The following DNAJC14 variants were observed in gnomAD, a reference collection of about 807,000 sequenced individuals.
DNAJC14 encodes DnaJ heat shock protein family (Hsp40) member C14.
Under a neutral mutation model 68.8 loss-of-function variants are expected in DNAJC14, and 12 were observed. The ratio of observed to expected loss-of-function variants is 0.17; its 90% confidence interval spans 0.11 to 0.28. The LOEUF (loss-of-function observed/expected upper bound fraction) is 0.28, where lower values mean the gene tolerates loss of function less well. Ranked by LOEUF, DNAJC14 falls within the 10% of genes least tolerant of loss-of-function variation. DNAJC14 has a pLI of 1.00. For synonymous variants in DNAJC14, 350 were observed against 321.5 expected, an observed-to-expected ratio of 1.09 and a Z score of -0.95; for missense variants, 764 against 875.6, an observed-to-expected ratio of 0.87 and a Z score of 1.61.
At position 55,821,884 on chromosome 12, in the gene DNAJC14, C is replaced by T. The variant is rs1007352131; in HGVS notation, c.*93G>A. 5 of 1,306,354 alleles carry T rather than the reference C, an allele frequency of 3.8e-6. No individual in the cohort carries two copies. The African/African-American group carries it at 6.0e-5, about 16-fold the overall frequency. The allele number at this position is 1,306,354 out of a possible 1,614,324, so 80.9% of individuals were successfully genotyped here. ...AAATAAAAAGAAAAAGATTCAGTTC[C>T]TAGGTGTTGGGGGAGGAGGGATAAA... On this transcript the variant is annotated 3_prime_UTR_variant, in exon 7 of 7. Coordinates refer to ENST00000678005, the MANE Select transcript of DNAJC14 (RefSeq NM_032364.6).
chr12:55,828,292 G>C lies in DNAJC14; in HGVS notation c.367C>G (p.Leu123Val). 1 of 1,610,442 alleles carries C rather than the reference G, an allele frequency of 6.2e-7. No individual in the cohort carries two copies. The highest frequency in any genetic ancestry group is 1.3e-5 in the African/African-American group (1 of 74,650). ...TGNQKDGNSF[L>V]SIPSACNCQG... is the part of the protein sequence containing the mutation. ...CAGTTGCAAGCAGATGGAATGGAAA[G>C]AAAAGAGTTCCCATCCTTCTGGTTC... The change falls in exon 2 of 7, where the codon CTT becomes GTT. Residue 123 changes from leucine (L) to valine (V), a missense_variant. Physicochemically the swap from Leu to Val is conservative, Grantham distance 32 (BLOSUM62 1). Coordinates refer to ENST00000678005, the MANE Select transcript of DNAJC14 (RefSeq NM_032364.6).
At chr12:55,829,364 G>C in intron 1 of DNAJC14, 125 bp downstream of exon 1, 1 of 973,650 alleles carries the variant, frequency 1.0e-6, no homozygotes, top group East Asian at 1.1e-4. Flanking sequence ...AGAATCGCTT[G>C]AACCCGGGAG....
chr12:55,827,061 C>T (rs1421994652), intron 2 of DNAJC14, among the ~76,000 whole-genome samples, 191 bp downstream of exon 2: 2 of 149,720 alleles, frequency 1.3e-5, no homozygotes, highest in Non-Finnish European at 3.0e-5. Flanking sequence ...CATGGTGGCG[C>T]GCACCTGTAA....
chr12:55,829,706 A>G (rs540795845), upstream of DNAJC14: 49 of 721,912 alleles, frequency 6.8e-5, 1 homozygote, highest in South Asian at 2.8e-3. Context: ...AAGCCAATCC[A>G]GCTAGGGCTG....
upstream of DNAJC14, chr12:55,830,281 A>T (rs1880944695): frequency 6.6e-6 from 1 of 152,178 alleles, no homozygotes; most frequent in African/African-American, 2.4e-5. Context: ...CGTGAGCCAA[A>T]GAACACTGAA....
rs1208830579 is a variant in DNAJC14, at chr12:55,828,106, G to A, written c.553C>T (p.Arg185Cys). 1.9e-6 allele frequency: 3 copies of A among 1,600,500 alleles called. No homozygotes were observed. The highest frequency in any genetic ancestry group is 2.2e-5 in the East Asian group (1 of 44,766). Reference sequence around the variant, plus strand: ...GGGGGTTTCTTTCCGCTGGACACACGTGAAAAATCACTGGGGAACTTGAGA... The same window carrying A: ...GGGGGTTTCTTTCCGCTGGACACACATGAAAAATCACTGGGGAACTTGAGA... ...ESLKFPSDFS[R>C]VSSGKKPPSR... is the part of the protein sequence containing the mutation. Residue 185 changes from arginine (R) to cysteine (C), a missense_variant, in exon 2 of 7, where the codon CGT (arginine) becomes TGT (cysteine). This residue lies in a region of DNAJC14 where 514 missense variants were observed against 521.7 expected (regional missense o/e 0.99). Transcript: ENST00000678005.
rs757008045 is a variant in DNAJC14 at position 55,828,221 on chromosome 12, T to C, written c.438A>G (p.Gly146=). ...GIPEGPYSEG[G]NGSSSNFCHH... is the part of the protein sequence containing the mutation. ...GGCAAAAGTTGCTAGAAGAACCATT[T>C]CCTCCCTCAGAGTAAGGCCCTTCTG... Residue 146 remains glycine, a synonymous_variant, in exon 2 of 7, where the codon GGA becomes GGG. Transcript: ENST00000678005. 2.0e-5 allele frequency: 32 copies of C among 1,610,334 alleles called. No homozygotes were observed. In the South Asian group the frequency reaches 3.4e-4, roughly 17 times the overall value.
chr12:55,822,450 A>C lies in DNAJC14; in HGVS notation c.1821T>G (p.Gly607=). The change falls in exon 6 of 7, where the codon GGT becomes GGG. Residue 607 remains glycine (G), a synonymous_variant. Transcript: ENST00000678005. ...GGACTCTGTGGGTATCTGGGGAGAT[A>C]CCTACACGCTGGCATCCAGCCCACT... ...ITEWAGCQRV[G]ISPDTHRVPY... The C allele has an allele frequency of 6.2e-7, 1 of 1,613,938 alleles. No individual in the cohort carries two copies.
At chr12:55,829,176 G>A in intron 1 of DNAJC14, 1 of 985,918 alleles carries the variant, frequency 1.0e-6, no homozygotes, top group Non-Finnish European at 1.2e-6. Context: ...GCCGGGCACC[G>A]TGGCTCACGC....
chr12:55,827,921 T>G lies in DNAJC14; in HGVS notation c.738A>C (p.Gln246His). 6.2e-7 allele frequency: 1 copy of G among 1,606,776 alleles called. No individual in the cohort carries two copies. Among genetic ancestry groups the G allele is most frequent in the South Asian group, 1.1e-5 (1 of 90,548 alleles). ...GCCACCAAAAGCCTGCCTGTCCAAG[T>G]TGACATAGTTCCTCGGCTCCCCACA... Reference protein sequence around the residue: ...LGLWGAEELCQLGQAGFWWLI... With the variant: ...LGLWGAEELCHLGQAGFWWLI... The change falls in exon 2 of 7, where the codon CAA (glutamine) becomes CAC (histidine). Residue 246 changes from glutamine (Q) to histidine (H), a missense_variant. Gln to His is a conservative substitution (Grantham distance 24). This residue lies in a region of DNAJC14 where 514 missense variants were observed against 521.7 expected (regional missense o/e 0.99). Transcript: ENST00000678005.
chr12:55,822,800 T>C, intron 4 of DNAJC14, 68 bp from the exon 5 acceptor site: 1 of 1,569,860 alleles, frequency 6.4e-7, no homozygotes, highest in Non-Finnish European at 8.6e-7. Flanking sequence ...CTAGTAGTCT[T>C]ACCATTATTC....
Position 55,827,513 on chromosome 12 carries a change from T to A in DNAJC14, c.1146A>T (p.Arg382Ser), listed in dbSNP as rs1338989791. The A allele has an allele frequency of 6.2e-7, 1 of 1,604,910 alleles. No individual in the cohort carries two copies. The highest frequency in any genetic ancestry group is 1.3e-5 in the African/African-American group (1 of 74,658). ...PALQRCLTLL[R>S]DSRPWQRLVR... ...CCAGCCGCTGCCATGGCCTGCTATC[T>A]CTCAGCAGAGTCAAGCAACGCTGCA... is the stretch of plus-strand genomic sequence containing the variant. The change falls in exon 2 of 7, where the codon AGA becomes AGT. Residue 382 changes from arginine (R) to serine (S), a missense_variant. By Grantham distance (110) the Arg-to-Ser change is moderately radical (BLOSUM62 -1). Transcript: ENST00000678005.
At chr12:55,822,233 T>A in intron 6 of DNAJC14, 46 bp from the exon 7 acceptor site, 5 of 1,539,714 alleles carry the variant, frequency 3.2e-6, no homozygotes, top group Non-Finnish European at 4.4e-6. Context: ...TAGAGTCATA[T>A]GGTTACCTAA....
rs750000942 is a variant in DNAJC14 at position 55,827,755 on chromosome 12, C to T, written c.904G>A (p.Ala302Thr). The T allele has an allele frequency of 8.1e-6, 13 of 1,613,902 alleles. No homozygotes were observed. In the African/African-American group the frequency reaches 1.1e-4, roughly 13 times the overall value. ...CTTAGAAACTGAAACATGACCTGGG[C>T]CCAGCCCCCTAACCGCCCTGTCCAC... ...GVWTGRLGGWAQVMFQFLSQG... is the reference protein window; with the variant it reads ...GVWTGRLGGWTQVMFQFLSQG... The change falls in exon 2 of 7, where the codon GCC (alanine) becomes ACC (threonine). Residue 302 changes from alanine (A) to threonine (T), a missense_variant. Ala to Thr is a moderately conservative substitution (Grantham distance 58). This residue lies in a region of DNAJC14 where 514 missense variants were observed against 521.7 expected (regional missense o/e 0.99). Coordinates refer to ENST00000678005, the MANE Select transcript of DNAJC14 (RefSeq NM_032364.6).
intron 6 of DNAJC14, 78 bp from the exon 7 acceptor site, chr12:55,822,265 C>T: frequency 4.6e-6 from 7 of 1,529,576 alleles, no homozygotes; most frequent in Non-Finnish European, 6.2e-6. Context: ...TTATCAGTTC[C>T]CAAACTTCCT....
chr12:55,830,552 A>G (rs1009789833), upstream of DNAJC14: 4 of 152,116 alleles, frequency 2.6e-5, no homozygotes, highest in African/African-American at 9.7e-5. Context: ...CAATACTCCA[A>G]TTCTCTGGAA....
At chr12:55,829,331 G>C (rs1880903227) in intron 1 of DNAJC14, 158 bp downstream of exon 1, 2 of 922,776 alleles carry the variant, frequency 2.2e-6, no homozygotes, top group African/African-American at 3.6e-5. Flanking sequence ...TGTAGTCCCA[G>C]CTACTCGGGA....
intron 2 of DNAJC14, among the ~76,000 whole-genome samples, chr12:55,826,594 G>A (rs911365250): frequency 2.0e-5 from 3 of 152,084 alleles, no homozygotes; most frequent in African/African-American, 4.8e-5. Context: ...GAGGTCAGGA[G>A]ATCGAGACCA....
At position 55,827,502 on chromosome 12, in the gene DNAJC14, G is replaced by A. The variant is rs1880828705; in HGVS notation, c.1157C>T (p.Pro386Leu). 1 of 1,603,824 alleles carries A rather than the reference G, an allele frequency of 6.2e-7. No homozygotes were observed. Among genetic ancestry groups the A allele is most frequent in the Non-Finnish European group, 8.5e-7 (1 of 1,171,454 alleles). ...AACTATTCTTACCAGCCGCTGCCATGGCCTGCTATCTCTCAGCAGAGTCAA... is the reference window on the plus strand; with the variant it reads ...AACTATTCTTACCAGCCGCTGCCATAGCCTGCTATCTCTCAGCAGAGTCAA... Reference protein sequence around the residue: ...RCLTLLRDSRPWQRLVRIVQW... With the variant: ...RCLTLLRDSRLWQRLVRIVQW... Residue 386 changes from proline to leucine, a missense_variant, in exon 2 of 7, where the codon CCA becomes CTA. By Grantham distance (98) the Pro-to-Leu change is moderately conservative. Coordinates refer to ENST00000678005, the MANE Select transcript of DNAJC14 (RefSeq NM_032364.6).
Sources: allele counts gnomAD v4.1 joint callset (sites outside exome capture counted in the v4.1 genomes callset), GRCh38; gene constraint gnomAD v4.1.1; regional missense constraint gnomAD v4.1.1; transcripts MANE v1.5; gene names NCBI Gene and HGNC (gene_info 2026-07-23, HGNC 2026-07-21).